GRIK3: variants seen among roughly 807,000 people sequenced by gnomAD.
GRIK3 encodes glutamate ionotropic receptor kainate type subunit 3.
In GRIK3, 29 loss-of-function variants were observed where a neutral mutation model predicts 102.5. The observed-to-expected ratio is 0.28, with a 90% CI of 0.21 to 0.39. GRIK3 has a LOEUF of 0.39. Ranked by LOEUF, GRIK3 falls within the 10% of genes least tolerant of loss-of-function variation. GRIK3 has a pLI of 1.00. For missense variants in GRIK3, 908 were observed against 1,252.4 expected, an observed-to-expected ratio of 0.73 and a Z score of 4.15; for synonymous variants, 511 against 504.9, an observed-to-expected ratio of 1.01 and a Z score of -0.16.
chr1:36,883,156 A>T (rs1641002180), intron 2 of GRIK3, among the ~76,000 whole-genome samples: 1 of 152,242 alleles, frequency 6.6e-6, no homozygotes, highest in Non-Finnish European at 1.5e-5. Context: ...GGGCCAGAGT[A>T]TAAGTGGAAG....
intron 1 of GRIK3, among the ~76,000 whole-genome samples, chr1:36,972,344 G>C (rs1642152329): frequency 6.6e-6 from 1 of 152,220 alleles, no homozygotes; most frequent in Non-Finnish European, 1.5e-5. Context: ...AATGGACCAG[G>C]CCTTCCGTAC....
intron 5 of GRIK3, among the ~76,000 whole-genome samples, chr1:36,867,980 G>A (rs1004717220): frequency 6.6e-6 from 1 of 152,170 alleles, no homozygotes; most frequent in Non-Finnish European, 1.5e-5. Flanking sequence ...ACAAGACTCT[G>A]GGGAAGGCAC....
Position 36,850,253 on chromosome 1 carries a change from A to C in GRIK3, c.1326+58T>G, listed in dbSNP as rs1001305145. 1.1e-5 allele frequency: 12 copies of C among 1,106,542 alleles called. No individual in the cohort carries two copies. The highest frequency in any genetic ancestry group is 7.0e-5 in the East Asian group (3 of 42,620). 68.5% of individuals were successfully genotyped at this position (1,106,542 alleles called of 1,614,324 possible). A position where few individuals can be genotyped will look rare whatever the true frequency, so the allele number is the denominator to read the frequency against. On this transcript the variant is annotated intron_variant, in intron 9 of 15. Transcript: ENST00000373091. The surrounding 1 kb of genome is among the most constrained non-coding windows in gnomAD (Gnocchi z 4.0). ...GGGATAGAGGGGACTCTCCAGCCCG[A>C]ACGGCCACCCCACCCCCAGGTCGGA...
intron 1 of GRIK3, among the ~76,000 whole-genome samples, chr1:36,904,517 T>C (rs191603201): frequency 3.9e-4 from 59 of 152,368 alleles, no homozygotes; most frequent in African/African-American, 1.3e-3. Context: ...GTAATTCCAT[T>C]TCTAGGAATA....
intron 3 of GRIK3, among the ~76,000 whole-genome samples, chr1:36,874,140 C>T (rs2124255971): frequency 6.6e-6 from 1 of 152,318 alleles, no homozygotes; most frequent in Admixed American, 6.5e-5. Context: ...AAAGAGTCCC[C>T]CTGACCTCAC....
intron 4 of GRIK3, among the ~76,000 whole-genome samples, chr1:36,870,555 C>T (rs768916080): frequency 2.0e-5 from 3 of 152,238 alleles, no homozygotes; most frequent in South Asian, 2.1e-4. Context: ...CATTCCCTCC[C>T]GCCTTTGAAG....
At chr1:36,963,147 C>T (rs1456907196) in intron 1 of GRIK3, among the ~76,000 whole-genome samples, 1 of 152,142 alleles carries the variant, frequency 6.6e-6, no homozygotes, top group Non-Finnish European at 1.5e-5. Context: ...GCTGCATGCC[C>T]AGTGTCGTCT....
chr1:36,958,962 A>G (rs534450), intron 1 of GRIK3, among the ~76,000 whole-genome samples: 45,389 of 71,358 alleles, frequency 0.64, 16,854 homozygotes, highest in East Asian at 0.93. Flanking sequence ...GTGAGCCTGC[A>G]CCCCATGAGC....
intron 1 of GRIK3, among the ~76,000 whole-genome samples, chr1:36,917,574 T>C (rs990840060): frequency 7.9e-5 from 12 of 152,200 alleles, no homozygotes; most frequent in African/African-American, 2.9e-4. Context: ...TGATAGTGAA[T>C]AAGTCTCACG....
At chr1:36,867,888 G>A (rs989422396) in intron 5 of GRIK3, among the ~76,000 whole-genome samples, 1 of 152,146 alleles carries the variant, frequency 6.6e-6, no homozygotes, top group African/African-American at 2.4e-5. Context: ...TCCAAGGCCG[G>A]GGTGGGGGGT....
intron 1 of GRIK3, among the ~76,000 whole-genome samples, chr1:36,918,839 C>T (rs941043058): frequency 1.3e-5 from 2 of 152,220 alleles, no homozygotes; most frequent in Non-Finnish European, 2.9e-5. Context: ...GTGTGAGCAG[C>T]CCTCTGACCT....
intron 1 of GRIK3, among the ~76,000 whole-genome samples, chr1:36,974,526 T>C (rs988473845): frequency 6.6e-6 from 1 of 151,086 alleles, no homozygotes; most frequent in Non-Finnish European, 1.5e-5. Context: ...CAGCCGGGAG[T>C]GGTGGCTCAC....
At chr1:36,890,786 C>G in intron 2 of GRIK3, 134 bp downstream of exon 2, 1 of 621,968 alleles carries the variant, frequency 1.6e-6, no homozygotes. Context: ...CAGTCTGGCT[C>G]CAAGCCCAAA....
intron 1 of GRIK3, among the ~76,000 whole-genome samples, chr1:37,025,932 C>T (rs532965593): frequency 1.2e-4 from 19 of 152,304 alleles, no homozygotes; most frequent in Admixed American, 3.3e-4. Context: ...TCATCATCTC[C>T]GATCTGTATG....
chr1:36,900,812 C>T lies in GRIK3; in HGVS notation c.116-9716G>A, dbSNP rs560943873. On this transcript the variant is annotated intron_variant, in intron 1 of 15. Coordinates refer to ENST00000373091, the MANE Select transcript of GRIK3 (RefSeq NM_000831.4). ...TAAAATTGATAGGCCTCTAATTTGG[C>T]CAATTAAGAATAAAAAAGAGAGGAT... Among the ~76,000 whole-genome samples, 5 of 151,916 alleles carry T rather than the reference C, an allele frequency of 3.3e-5. No homozygotes were observed. The East Asian group carries it at 5.8e-4, about 18-fold the overall frequency.
At chr1:36,971,908 G>A (rs1384302184) in intron 1 of GRIK3, among the ~76,000 whole-genome samples, 2 of 152,162 alleles carry the variant, frequency 1.3e-5, no homozygotes, top group African/African-American at 2.4e-5. Flanking sequence ...CTTTTGGAGG[G>A]AACAGGGAAA....
intron 9 of GRIK3, among the ~76,000 whole-genome samples, chr1:36,843,597 C>T (rs562894341): frequency 3.9e-5 from 6 of 152,126 alleles, no homozygotes; most frequent in Non-Finnish European, 5.9e-5. Context: ...TCAGACCTTC[C>T]GGAGTTAATC....
Position 36,872,300 on chromosome 1 carries a change from A to T in GRIK3, c.620T>A (p.Leu207His), listed in dbSNP as rs1640851832. 1.2e-6 allele frequency: 2 copies of T among 1,612,674 alleles called. No homozygotes were observed. The highest frequency in any genetic ancestry group is 1.3e-5 in the African/African-American group (1 of 74,880). The change falls in exon 4 of 16, where the codon CTC becomes CAC. Residue 207 changes from leucine to histidine, a missense_variant. Physicochemically the swap from Leu to His is moderately conservative, Grantham distance 99. This residue lies in a region of GRIK3 where 585 missense variants were observed against 824.9 expected (regional missense o/e 0.71). Coordinates refer to ENST00000373091, the MANE Select transcript of GRIK3 (RefSeq NM_000831.4). The surrounding 1 kb of genome is among the most constrained non-coding windows in gnomAD (Gnocchi z 5.9). The stretch of plus-strand genomic sequence containing the variant: ...GCGCGAGTCGTCAGAGTCGATGGGG[A>T]GCTGACGGATCTTCAGGCGGATGTT... ...RYNIRLKIRQ[L>H]PIDSDDSRPL... is the part of the protein sequence containing the mutation.
At chr1:36,848,958 C>A (rs1429860932) in intron 9 of GRIK3, among the ~76,000 whole-genome samples, 2 of 151,820 alleles carry the variant, frequency 1.3e-5, no homozygotes, top group Admixed American at 6.6e-5. Context: ...GGACAGGTGT[C>A]CCCTAAGACC....
Sources: gnomAD v4.1 joint callset for allele counts (sites outside exome capture counted in the v4.1 genomes callset) on GRCh38, gnomAD v4.1.1 for gene constraint, gnomAD v4.1.1 regional missense constraint, Gnocchi (gnomAD v3.1) non-coding constraint, MANE v1.5 for transcripts, NCBI Gene and HGNC (gene_info 2026-07-23, HGNC 2026-07-21) for gene names.